ARHGAP24: variants seen among roughly 807,000 people sequenced by gnomAD.
ARHGAP24 encodes Rho GTPase activating protein 24, also known as rho GTPase-activating protein 24.
ARHGAP24 carries 50 observed loss-of-function variants against 76.4 expected under a neutral mutation model. The ratio of observed to expected loss-of-function variants is 0.65; its 90% CI spans 0.52 to 0.83. The LOEUF (loss-of-function observed/expected upper bound fraction) is 0.83. Among genes scored for constraint, ARHGAP24 ranks in the 40% least tolerant of loss-of-function variants. ARHGAP24 has a pLI of 0.00. For missense variants in ARHGAP24, 930 were observed against 914.2 expected, an observed-to-expected ratio of 1.02 and a Z score of -0.22; for synonymous variants, 345 against 323.3, an observed-to-expected ratio of 1.07 and a Z score of -0.72.
intron 1 of ARHGAP24, among the ~76,000 whole-genome samples, chr4:85,561,179 A>G (rs557326403): frequency 4.7e-4 from 72 of 152,148 alleles, no homozygotes; most frequent in Non-Finnish European, 9.4e-4. Context: ...GGGAACTTTC[A>G]GAGCGGGGTG....
intron 2 of ARHGAP24, among the ~76,000 whole-genome samples, chr4:85,623,272 T>C (rs1191803733): frequency 6.6e-6 from 1 of 152,184 alleles, no homozygotes; most frequent in Non-Finnish European, 1.5e-5. Flanking sequence ...TTAATTTTTG[T>C]ATAAGGTGTA....
chr4:85,546,059 C>T (rs1560527160), intron 1 of ARHGAP24, among the ~76,000 whole-genome samples: 2 of 152,114 alleles, frequency 1.3e-5, no homozygotes, highest in South Asian at 4.1e-4. Context: ...TCTTTTTGTA[C>T]CTTAGTTTCC....
chr4:85,951,083 C>T (rs367649228), intron 5 of ARHGAP24, among the ~76,000 whole-genome samples: 2 of 152,078 alleles, frequency 1.3e-5, no homozygotes, highest in African/African-American at 4.8e-5. Context: ...AAAGGTCATT[C>T]TGGCAACCGA....
chr4:85,610,723 CTAGTAACTCACAAAGT>C (rs1189359642), intron 2 of ARHGAP24, among the ~76,000 whole-genome samples: 1 of 152,072 alleles, frequency 6.6e-6, no homozygotes, highest in African/African-American at 2.4e-5. Flanking sequence ...CTTGTGTTTG[CTAGTAACTCACAAAGT>C]TTCCATTCAC....
At chr4:85,787,888 A>G (rs566667802) in intron 3 of ARHGAP24, among the ~76,000 whole-genome samples, 60 of 152,324 alleles carry the variant, frequency 3.9e-4, no homozygotes, top group Middle Eastern at 3.4e-3. Context: ...ATCACTTCCC[A>G]TGTAAAGTGC....
At chr4:85,622,431 A>AT (rs1247597040) in intron 2 of ARHGAP24, among the ~76,000 whole-genome samples, 1 of 151,838 alleles carries the variant, frequency 6.6e-6, no homozygotes, top group African/African-American at 2.4e-5. Context: ...TGAACTCATC[A>AT]TTTTTTGTGG....
intron 2 of ARHGAP24, among the ~76,000 whole-genome samples, chr4:85,703,100 G>A (rs889998741): frequency 6.6e-6 from 1 of 152,108 alleles, no homozygotes; most frequent in South Asian, 2.1e-4. Flanking sequence ...CTGGGTCATT[G>A]TTGATAAAAA....
At chr4:85,480,700 G>T (rs1438030537) in intron 1 of ARHGAP24, among the ~76,000 whole-genome samples, 1 of 151,988 alleles carries the variant, frequency 6.6e-6, no homozygotes, top group Non-Finnish European at 1.5e-5. Flanking sequence ...ATCCCTGATA[G>T]ATAAAATGAC....
chr4:85,690,556 C>T (rs1723594192), intron 2 of ARHGAP24, among the ~76,000 whole-genome samples: 2 of 152,152 alleles, frequency 1.3e-5, no homozygotes, highest in East Asian at 1.9e-4. Context: ...TGTGTGTTTC[C>T]AGGAATTTAT....
chr4:85,697,241 A>G (rs1723900956), intron 2 of ARHGAP24, among the ~76,000 whole-genome samples: 1 of 152,224 alleles, frequency 6.6e-6, no homozygotes. Context: ...ATGAAGAATA[A>G]TGTAATGCTG....
At chr4:85,564,967 TATAC>T (rs1218713073) in intron 1 of ARHGAP24, among the ~76,000 whole-genome samples, 4 of 114,578 alleles carry the variant, frequency 3.5e-5, no homozygotes, top group African/African-American at 1.5e-4. Flanking sequence ...TATATATATA[TATAC>T]CCACACCCAC....
intron 2 of ARHGAP24, 174 bp downstream of exon 2, chr4:85,570,895 C>G (rs974217084): frequency 3.2e-5 from 22 of 687,248 alleles, no homozygotes; most frequent in Middle Eastern, 4.2e-4. Context: ...AATAAAATCG[C>G]TAATTGAGGC....
chr4:85,978,125 G>C (rs1377631079), intron 8 of ARHGAP24, among the ~76,000 whole-genome samples: 1 of 152,106 alleles, frequency 6.6e-6, no homozygotes, highest in Non-Finnish European at 1.5e-5. Flanking sequence ...TTTATTTGTA[G>C]GTTAAAACAT....
chr4:85,728,578 A>G (rs1373178453), intron 3 of ARHGAP24, among the ~76,000 whole-genome samples: 9 of 152,074 alleles, frequency 5.9e-5, no homozygotes, highest in South Asian at 2.1e-4. Context: ...CCACAGACCT[A>G]TTTTGCACAT....
intron 3 of ARHGAP24, among the ~76,000 whole-genome samples, chr4:85,856,563 C>T (rs556549511): frequency 1.3e-5 from 2 of 150,258 alleles, no homozygotes; most frequent in African/African-American, 2.4e-5. Flanking sequence ...CTCTAACTCC[C>T]AGGTTCAAGC....
intron 3 of ARHGAP24, 138 bp from the exon 4 acceptor site, chr4:85,923,510 T>C: frequency 1.6e-6 from 2 of 1,235,670 alleles, no homozygotes; most frequent in South Asian, 1.3e-5. Flanking sequence ...TCAGAAACCA[T>C]GGTAAATATT....
intron 5 of ARHGAP24, among the ~76,000 whole-genome samples, chr4:85,952,125 GATAA>G (rs1331989620): frequency 1.6e-4 from 25 of 152,092 alleles, no homozygotes; most frequent in Admixed American, 1.6e-3. Flanking sequence ...ATACATAGCA[GATAA>G]ATAAATAGAT....
At chr4:85,743,448 G>C (rs1725903428) in intron 3 of ARHGAP24, among the ~76,000 whole-genome samples, 1 of 134,952 alleles carries the variant, frequency 7.4e-6, no homozygotes, top group Admixed American at 8.3e-5. Flanking sequence ...GGGCATGTTA[G>C]TCCCAGCTGT....
At chr4:85,868,074 T>C (rs1606017) in intron 3 of ARHGAP24, among the ~76,000 whole-genome samples, 75,348 of 151,348 alleles carry the variant, frequency 0.5, 19,734 homozygotes, top group East Asian at 0.86. Flanking sequence ...TTATACACTT[T>C]AGGGAGACAA....
Sources: gnomAD v4.1 joint callset for allele counts (sites outside exome capture counted in the v4.1 genomes callset) on GRCh38, gnomAD v4.1.1 for gene constraint, MANE v1.5 for transcripts, NCBI Gene and HGNC (gene_info 2026-07-23, HGNC 2026-07-21) for gene names.